IGFN1: variants seen among roughly 807,000 people sequenced by gnomAD.
IGFN1 encodes immunoglobulin like and fibronectin type III domain containing 1.
IGFN1 carries 253 observed loss-of-function variants against 289.5 expected under a neutral mutation model. The observed-to-expected ratio is 0.87, with a 90% CI of 0.79 to 0.97. The LOEUF (loss-of-function observed/expected upper bound fraction) is 0.97. IGFN1 is among the 50% of genes least tolerant of loss of function. IGFN1 has a pLI of 0.00. For synonymous variants in IGFN1, 1,706 were observed against 1,788.5 expected (o/e 0.95, Z 1.16); for missense variants, 4,470 against 4,686.1 (o/e 0.95, Z 1.35).
chr1:201,199,181 A>G (rs1667042798), intron 5 of IGFN1, among the ~76,000 whole-genome samples, 153 bp from the exon 6 acceptor site: 1 of 152,164 alleles, frequency 6.6e-6, no homozygotes, highest in Admixed American at 6.5e-5. Flanking sequence ...ACCCTGCTCC[A>G]TCCCTCTTGC....
intron 9 of IGFN1, among the ~76,000 whole-genome samples, chr1:201,202,527 G>C (rs1194067282): frequency 6.6e-6 from 1 of 151,868 alleles, no homozygotes; most frequent in Non-Finnish European, 1.5e-5. Flanking sequence ...CCTCTGCTTG[G>C]CATGCTCATC....
rs548632063 is a variant in IGFN1, at chr1:201,223,109, G to A, written c.10290+282G>A. On this transcript the variant is annotated intron_variant, in intron 20 of 23. Coordinates refer to ENST00000335211, the MANE Select transcript of IGFN1 (RefSeq NM_001164586.2). ...TTCAGCTACTGCACCTCCAAACTAAGGCTCTTCGGTTCTCCACCTCTCCTA... is the reference window on the plus strand; with the variant it reads ...TTCAGCTACTGCACCTCCAAACTAAAGCTCTTCGGTTCTCCACCTCTCCTA... 10 of 276,000 alleles carry A rather than the reference G, an allele frequency of 3.6e-5. No individual in the cohort carries two copies. The South Asian group carries it at 1.2e-3, about 33-fold the overall frequency. The allele number at this position is 276,000 out of a possible 1,614,324, so 17.1% of individuals were successfully genotyped here.
chr1:201,205,383 T>C lies in IGFN1; in HGVS notation c.1189+29T>C, dbSNP rs749295099. The C allele has an allele frequency of 7.3e-6, 11 of 1,503,108 alleles. No individual in the cohort carries two copies. In the East Asian group the frequency reaches 2.5e-4, roughly 34 times the overall value. The allele number at this position is 1,503,108 out of a possible 1,614,324, so 93.1% of individuals were successfully genotyped here. A position where few individuals can be genotyped will look rare whatever the true frequency, so the allele number is the denominator to read the frequency against. Reference sequence around the variant, plus strand: ...AGTGCTTCAAAACTCTGTCTTTCTCTGCCTCCAGGGAAGACCTTGGGGCTG... The same window carrying C: ...AGTGCTTCAAAACTCTGTCTTTCTCCGCCTCCAGGGAAGACCTTGGGGCTG... On this transcript the variant is annotated intron_variant, in intron 11 of 23. Transcript: ENST00000335211.
chr1:201,201,862 G>GC, intron 9 of IGFN1, 30 bp downstream of exon 9: 9 of 727,650 alleles, frequency 1.2e-5, no homozygotes, highest in Non-Finnish European at 1.7e-5. Flanking sequence ...GGGTGGGGGG[G>GC]ATCTGGCAGG....
chr1:201,213,697 G>A, intron 12 of IGFN1, 76 bp downstream of exon 12: 1 of 1,224,662 alleles, frequency 8.2e-7, no homozygotes, highest in South Asian at 1.4e-5. Flanking sequence ...GGATGCTTGG[G>A]TCTGTCCCAG....
chr1:201,209,166 A>G lies in IGFN1; in HGVS notation c.4273A>G (p.Arg1425Gly). The change falls in exon 12 of 24, where the codon AGG becomes GGG. Residue 1425 changes from arginine (R) to glycine (G), a missense_variant. This residue lies in a region of IGFN1 where 2,011 missense variants were observed against 1,953.4 expected (regional missense o/e 1.03). Transcript: ENST00000335211. ...GGYGEMGSGYREDLGAPEGMG... is the reference protein window; with the variant it reads ...GGYGEMGSGYGEDLGAPEGMG... ...TTATGGGGAAATGGGGTCAGGTTATAGGGAGGATTTGGGGGCTCCTGAGGG... is the reference window on the plus strand; with the variant it reads ...TTATGGGGAAATGGGGTCAGGTTATGGGGAGGATTTGGGGGCTCCTGAGGG... 6.6e-7 allele frequency: 1 copy of G among 1,515,716 alleles called. No individual in the cohort carries two copies. 93.9% of individuals were successfully genotyped at this position (1,515,716 alleles called of 1,614,324 possible). A position where few individuals can be genotyped will look rare whatever the true frequency, so the allele number is the denominator to read the frequency against.
In IGFN1 at chr1:201,207,495, A is replaced by G. The variant is rs1306783572; in HGVS notation, c.2602A>G (p.Met868Val). ...GGGGCCCAGTGGAGGACAAGAGGGT[A>G]TGGGTGGTATCTGGGTGGCTGGACT... ...VLGPSGGQEG[M>V]GGIWVAGLTE... Residue 868 changes from methionine (M) to valine (V), a missense_variant, in exon 12 of 24, where the codon ATG becomes GTG. Physicochemically the swap from Met to Val is conservative, Grantham distance 21. This residue lies in a region of IGFN1 where 2,011 missense variants were observed against 1,953.4 expected (regional missense o/e 1.03). Transcript: ENST00000335211. 9 of 1,534,604 alleles carry G rather than the reference A, an allele frequency of 5.9e-6. No homozygotes were observed. The highest frequency in any genetic ancestry group is 4.4e-6 in the Non-Finnish European group (5 of 1,145,630).
chr1:201,208,023 G>A lies in IGFN1; in HGVS notation c.3130G>A (p.Gly1044Ser). The change falls in exon 12 of 24, where the codon GGT becomes AGT. Residue 1044 changes from glycine to serine, a missense_variant. Coordinates refer to ENST00000335211, the MANE Select transcript of IGFN1 (RefSeq NM_001164586.2). ...GRVASLKNGS[G>S]GPDGAPMNDT... ...AGTTGCCAGTCTTAAAAATGGCTCA[G>A]GTGGTCCTGATGGAGCACCCATGAA... 1 of 1,536,976 alleles carries A rather than the reference G, an allele frequency of 6.5e-7. No homozygotes were observed. The highest frequency in any genetic ancestry group is 8.7e-7 in the Non-Finnish European group (1 of 1,146,868).
At position 201,195,892 on chromosome 1, in the gene IGFN1, C is replaced by T. The variant is rs181217568; in HGVS notation, c.181C>T (p.Arg61Cys). 8.4e-6 allele frequency: 13 copies of T among 1,551,628 alleles called. No homozygotes were observed. The highest frequency in any genetic ancestry group is 1.7e-4 in the Middle Eastern group (1 of 5,990). ...VVCGEPRPEVRWQNSKGDLSD... is the reference protein window; with the variant it reads ...VVCGEPRPEVCWQNSKGDLSD... ...CTGTGGGGAGCCCAGGCCCGAGGTG[C>T]GTTGGCAGAACTCCAAAGGTGACCT... is the stretch of plus-strand genomic sequence containing the variant. Residue 61 changes from arginine (R) to cysteine (C), a missense_variant, in exon 4 of 24, where the codon CGT (arginine) becomes TGT (cysteine). Arg to Cys is a radical substitution (Grantham distance 180, BLOSUM62 -3). Coordinates refer to ENST00000335211, the MANE Select transcript of IGFN1 (RefSeq NM_001164586.2).
chr1:201,217,223 G>A, intron 16 of IGFN1, 64 bp from the exon 17 acceptor site: 2 of 1,479,132 alleles, frequency 1.4e-6, no homozygotes, highest in South Asian at 2.4e-5. Context: ...CTACCCCCAG[G>A]GGCTCCCCAT....
chr1:201,220,060 C>CT (rs36059818), intron 18 of IGFN1, among the ~76,000 whole-genome samples: 129,472 of 143,192 alleles, frequency 0.9, 58,683 homozygotes, highest in East Asian at 0.99. Context: ...TCTTTCTGTT[C>CT]TTTTTTTTCC....
In IGFN1 at chr1:201,206,710, G is replaced by A; in HGVS notation, c.1817G>A (p.Gly606Glu). 6.5e-7 allele frequency: 1 copy of A among 1,536,904 alleles called. No homozygotes were observed. The highest frequency in any genetic ancestry group is 1.2e-5 in the South Asian group (1 of 84,060). ...LWDARLGPGR[G>E]KSDLQGCQSD... The stretch of plus-strand genomic sequence containing the variant: ...GATGCTCGACTGGGACCTGGGAGAG[G>A]AAAGAGCGACCTGCAGGGATGCCAG... The change falls in exon 12 of 24, where the codon GGA becomes GAA. Residue 606 changes from glycine to glutamate, a missense_variant. By Grantham distance (98) the Gly-to-Glu change is moderately conservative. Coordinates refer to ENST00000335211, the MANE Select transcript of IGFN1 (RefSeq NM_001164586.2).
At position 201,213,220 on chromosome 1, in the gene IGFN1, G is replaced by A. The variant is rs1236222352; in HGVS notation, c.8327G>A (p.Gly2776Glu). ...KGQRGGKRSL[G>E]EQGSLEAENG... ...CAGAGAGGAGGAAAGAGGTCCCTCG[G>A]GGAGCAGGGGTCCCTGGAGGCTGAG... The change falls in exon 12 of 24, where the codon GGG (glycine) becomes GAG (glutamate). Residue 2776 changes from glycine (G) to glutamate (E), a missense_variant. By Grantham distance (98) the Gly-to-Glu change is moderately conservative. Around this residue, in one of 8 missense-constraint regions of IGFN1, gnomAD observed 2,218 missense variants for 2,114.1 expected, o/e 1.05. Transcript: ENST00000335211. 8.4e-6 allele frequency: 13 copies of A among 1,551,558 alleles called. No homozygotes were observed. In the Admixed American group the frequency reaches 1.8e-4, roughly 21 times the overall value.
intron 6 of IGFN1, 38 bp downstream of exon 6, chr1:201,199,416 G>T (rs767883499): frequency 1.9e-6 from 3 of 1,541,800 alleles, no homozygotes; most frequent in Non-Finnish European, 1.8e-6. Context: ...GGGGGCCTGT[G>T]GGGGATAGGC....
rs969058811 is a variant in IGFN1 at position 201,206,214 on chromosome 1, A to G, written c.1321A>G (p.Arg441Gly). The stretch of plus-strand genomic sequence containing the variant: ...AGAGAAATCCAGAGAGCAGGGCCCC[A>G]GGGGGGGCTCCCTTGAAGGGGCTGG... The part of the protein sequence containing the change: ...QGEKSREQGP[R>G]GGSLEGAGPA... The change falls in exon 12 of 24, where the codon AGG becomes GGG. Residue 441 changes from arginine to glycine, a missense_variant. Arg to Gly is a moderately radical substitution (Grantham distance 125). Transcript: ENST00000335211. 1 of 1,548,396 alleles carries G rather than the reference A, an allele frequency of 6.5e-7. No homozygotes were observed. The highest frequency in any genetic ancestry group is 8.7e-7 in the Non-Finnish European group (1 of 1,146,132).
intron 14 of IGFN1, 31 bp downstream of exon 14, chr1:201,215,185 G>A (rs923110826): frequency 1.3e-6 from 2 of 1,599,616 alleles, no homozygotes; most frequent in East Asian, 2.2e-5. Context: ...GCCCTGCCCT[G>A]TCCTGTCCCA....
chr1:201,203,937 T>C (rs1265798347), intron 10 of IGFN1, 31 bp downstream of exon 10: 1 of 1,531,294 alleles, frequency 6.5e-7, no homozygotes, highest in South Asian at 1.2e-5. Context: ...AAGTTGGAGT[T>C]GGGGAGATAT....
rs1431258971 is a variant in IGFN1 at position 201,199,674 on chromosome 1, T to C, written c.458+20T>C. On this transcript the variant is annotated intron_variant, in intron 7 of 23. Coordinates refer to ENST00000335211, the MANE Select transcript of IGFN1 (RefSeq NM_001164586.2). ...AAAGAGGTGGGTTTGGGCCTGTCCA[T>C]GAGGGATTTTGGAGGCTCCCATAGT... The C allele has an allele frequency of 1.3e-6, 2 of 1,549,820 alleles. No homozygotes were observed. Among genetic ancestry groups the C allele is most frequent in the East Asian group, 2.4e-5 (1 of 40,870 alleles).
intron 1 of IGFN1, among the ~76,000 whole-genome samples, chr1:201,192,573 G>A (rs1666705544): frequency 6.6e-6 from 1 of 152,180 alleles, no homozygotes; most frequent in Admixed American, 6.5e-5. Context: ...CTTCTGAGGG[G>A]AGCAGATGGA....
Sources: gnomAD v4.1 joint callset for allele counts (sites outside exome capture counted in the v4.1 genomes callset) on GRCh38, gnomAD v4.1.1 for gene constraint, gnomAD v4.1.1 regional missense constraint, MANE v1.5 for transcripts, NCBI Gene and HGNC (gene_info 2026-07-23, HGNC 2026-07-21) for gene names.